Variants in GALNTL6 observed in about 807,000 individuals in gnomAD.
GALNTL6 encodes polypeptide N-acetylgalactosaminyltransferase like 6, also known as polypeptide N-acetylgalactosaminyltransferase-like 6.
A neutral mutation model predicts 73.7 loss-of-function variants in GALNTL6; 46 were observed. The ratio of observed to expected loss-of-function variants is 0.62; its 90% CI spans 0.49 to 0.80. The LOEUF is 0.80. Ranked by LOEUF, GALNTL6 falls within the 30% of genes least tolerant of loss-of-function variation. GALNTL6 has a pLI of 0.00. For synonymous variants in GALNTL6, 259 were observed against 263.7 expected (o/e 0.98, Z 0.17); for missense variants, 604 against 755.0 (o/e 0.80, Z 2.34).
At chr4:172,312,148 G>A (rs1740384132) in intron 4 of GALNTL6, among the ~76,000 whole-genome samples, 1 of 152,130 alleles carries the variant, frequency 6.6e-6, no homozygotes, top group East Asian at 1.9e-4. Flanking sequence ...GACAGATTTA[G>A]TGCCATGGTT....
intron 2 of GALNTL6, among the ~76,000 whole-genome samples, chr4:172,108,764 C>T (rs1432216498): frequency 6.6e-6 from 1 of 152,014 alleles, no homozygotes; most frequent in African/African-American, 2.4e-5. Context: ...CTCATCCCAG[C>T]ACTTTGGGAG....
intron 5 of GALNTL6, among the ~76,000 whole-genome samples, chr4:172,390,396 C>G (rs1743622070): frequency 6.6e-6 from 1 of 152,182 alleles, no homozygotes; most frequent in South Asian, 2.1e-4. Context: ...TACCCACAGT[C>G]ATTGGCAGTC....
chr4:172,331,693 G>A (rs1741132086), intron 4 of GALNTL6, among the ~76,000 whole-genome samples: 1 of 152,142 alleles, frequency 6.6e-6, no homozygotes. Flanking sequence ...CATCCATGTT[G>A]CTGCATGTTG....
chr4:172,956,013 G>A (rs575280601), intron 10 of GALNTL6, among the ~76,000 whole-genome samples: 1 of 152,250 alleles, frequency 6.6e-6, no homozygotes, highest in African/African-American at 2.4e-5. Context: ...GGATGTGTAC[G>A]TGCAGGTCAC....
chr4:172,677,757 C>T (rs1196207667), intron 5 of GALNTL6, among the ~76,000 whole-genome samples: 2 of 150,752 alleles, frequency 1.3e-5, no homozygotes, highest in Non-Finnish European at 1.5e-5. Flanking sequence ...ACCCCCATCT[C>T]TACAAAAAAT....
chr4:172,069,480 A>G (rs1185877909), intron 2 of GALNTL6, among the ~76,000 whole-genome samples: 1 of 30,590 alleles, frequency 3.3e-5, no homozygotes, highest in Non-Finnish European at 1.3e-4. Context: ...TATATGTTAT[A>G]TATAACACAT....
At chr4:172,386,801 G>T (rs1470896479) in intron 5 of GALNTL6, among the ~76,000 whole-genome samples, 2 of 151,978 alleles carry the variant, frequency 1.3e-5, no homozygotes, top group African/African-American at 4.8e-5. Context: ...TTCCAAGCTT[G>T]CCCCCAGCCA....
chr4:171,813,464 T>A lies in GALNTL6; in HGVS notation c.-696T>A, dbSNP rs1267139119. 1 of 152,328 alleles carries A rather than the reference T, an allele frequency of 6.6e-6. No homozygotes were observed. The highest frequency in any genetic ancestry group is 2.4e-5 in the African/African-American group (1 of 41,560). The allele number at this position is 152,328 out of a possible 1,614,324, so 9.4% of individuals were successfully genotyped here. A position where few individuals can be genotyped will look rare whatever the true frequency, so the allele number is the denominator to read the frequency against. Reference sequence around the variant, plus strand: ...CCGGGGAGTGGGGCGCGGGCGACCGTGTGCAGCCGCGGCGCATCTCCGCCT... The same window carrying A: ...CCGGGGAGTGGGGCGCGGGCGACCGAGTGCAGCCGCGGCGCATCTCCGCCT... On this transcript the variant is annotated 5_prime_UTR_variant, in exon 1 of 13. Coordinates refer to ENST00000506823, the MANE Select transcript of GALNTL6 (RefSeq NM_001034845.3). This position sits in a 1 kb window ranked among gnomAD's most constrained non-coding sequence, Gnocchi z 5.2.
intron 7 of GALNTL6, among the ~76,000 whole-genome samples, chr4:172,815,160 A>G (rs1288953893): frequency 6.6e-6 from 1 of 152,178 alleles, no homozygotes. Context: ...ACGAGTGACA[A>G]GGTTGTGAGG....
intron 2 of GALNTL6, among the ~76,000 whole-genome samples, chr4:171,942,518 C>T (rs1738582078): frequency 1.3e-5 from 2 of 152,040 alleles, no homozygotes; most frequent in South Asian, 2.1e-4. Context: ...GGCTAGATTT[C>T]CTTGCTTGAG....
At chr4:172,201,334 G>T (rs567256616) in intron 2 of GALNTL6, among the ~76,000 whole-genome samples, 46 of 152,092 alleles carry the variant, frequency 3.0e-4, no homozygotes, top group African/African-American at 1.1e-3. Flanking sequence ...GGCCTCCCAA[G>T]TTGCTGGGAC....
intron 2 of GALNTL6, among the ~76,000 whole-genome samples, chr4:172,177,549 G>T (rs542469026): frequency 6.6e-6 from 1 of 151,760 alleles, no homozygotes; most frequent in African/African-American, 2.4e-5. Flanking sequence ...ATATTTACTT[G>T]TCTTTCTTAG....
chr4:172,135,148 C>T (rs927258263), intron 2 of GALNTL6, among the ~76,000 whole-genome samples: 1 of 152,020 alleles, frequency 6.6e-6, no homozygotes, highest in Admixed American at 6.6e-5. Flanking sequence ...GCTTTTATAA[C>T]AATAATTATA....
At chr4:172,823,506 G>A (rs1742057832) in intron 7 of GALNTL6, among the ~76,000 whole-genome samples, 1 of 152,170 alleles carries the variant, frequency 6.6e-6, no homozygotes, top group African/African-American at 2.4e-5. Flanking sequence ...TATTAAGATT[G>A]GAAGAAGTGG....
Position 172,431,863 on chromosome 4 carries a change from G to A in GALNTL6, c.553+83174G>A, listed in dbSNP as rs143679010. Among the ~76,000 whole-genome samples, 625 of 152,110 alleles carry A rather than the reference G, an allele frequency of 4.1e-3. 3 individuals are homozygous for A. Among genetic ancestry groups the A allele is most frequent in the African/African-American group, 0.014 (599 of 41,510 alleles). Reference sequence around the variant, plus strand: ...GTGATATTAACATATTTACATCTATGTAAAGTTGAGGTCAAGGAAATTTTC... The same window carrying A: ...GTGATATTAACATATTTACATCTATATAAAGTTGAGGTCAAGGAAATTTTC... On this transcript the variant is annotated intron_variant, in intron 5 of 12. Coordinates refer to ENST00000506823, the MANE Select transcript of GALNTL6 (RefSeq NM_001034845.3).
chr4:172,184,681 A>G (rs897288067), intron 2 of GALNTL6, among the ~76,000 whole-genome samples: 1 of 152,180 alleles, frequency 6.6e-6, no homozygotes, highest in Non-Finnish European at 1.5e-5. Context: ...AAATTAGTCA[A>G]CATTGGTGTC....
At chr4:172,436,299 C>T (rs2111392215) in intron 5 of GALNTL6, among the ~76,000 whole-genome samples, 1 of 152,166 alleles carries the variant, frequency 6.6e-6, no homozygotes, top group Middle Eastern at 3.4e-3. Flanking sequence ...ACCCTTTAAT[C>T]CTCAAATCTT....
intron 2 of GALNTL6, among the ~76,000 whole-genome samples, chr4:171,995,373 T>C (rs1740455648): frequency 1.3e-5 from 2 of 151,994 alleles, no homozygotes; most frequent in Non-Finnish European, 2.9e-5. Context: ...GAGCAAAAGA[T>C]GCAGCCTAAT....
At chr4:172,512,957 C>G (rs1734476413) in intron 5 of GALNTL6, among the ~76,000 whole-genome samples, 1 of 151,834 alleles carries the variant, frequency 6.6e-6, no homozygotes, top group African/African-American at 2.4e-5. Flanking sequence ...AATGAATTTC[C>G]TGGGTGTTTT....
Sources: allele counts gnomAD v4.1 joint callset (sites outside exome capture counted in the v4.1 genomes callset), GRCh38; gene constraint gnomAD v4.1.1; non-coding constraint Gnocchi (gnomAD v3.1); transcripts MANE v1.5; gene names NCBI Gene and HGNC (gene_info 2026-07-23, HGNC 2026-07-21).